Variants in ANKRD44 observed in about 807,000 individuals in gnomAD.
ANKRD44 encodes serine/threonine-protein phosphatase 6 regulatory ankyrin repeat subunit B.
In ANKRD44, 35 loss-of-function variants were observed where a neutral mutation model predicts 116.0. That is an observed-to-expected ratio of 0.30 (90% CI 0.23 to 0.40). The LOEUF is 0.40. Ranked by LOEUF, ANKRD44 falls within the 10% of genes least tolerant of loss-of-function variation. ANKRD44 has a pLI of 1.00. For missense variants in ANKRD44, 1,014 were observed against 1,242.6 expected, an observed-to-expected ratio of 0.82 and a Z score of 2.77; for synonymous variants, 435 against 461.8, an observed-to-expected ratio of 0.94 and a Z score of 0.74.
At position 197,083,272 on chromosome 2, in the gene ANKRD44, T is replaced by C. The variant is rs142938517; in HGVS notation, c.1457+97A>G. Reference sequence around the variant, plus strand: ...TCTAACTCTTTTGGGTTAGTCTAACTCTTTTTCCATGAGGCGGTATGAAGA... The same window carrying C: ...TCTAACTCTTTTGGGTTAGTCTAACCCTTTTTCCATGAGGCGGTATGAAGA... On this transcript the variant is annotated intron_variant, in intron 14 of 27. Coordinates refer to ENST00000282272, the MANE Select transcript of ANKRD44 (RefSeq NM_001195144.2). 8,669 of 1,458,380 alleles carry C rather than the reference T, an allele frequency of 5.9e-3. 31 individuals are homozygous for C. The highest frequency in any genetic ancestry group is 6.6e-3 in the Non-Finnish European group (7,201 of 1,092,184). 90.3% of individuals were successfully genotyped at this position (1,458,380 alleles called of 1,614,324 possible). A position where few individuals can be genotyped will look rare whatever the true frequency, so the allele number is the denominator to read the frequency against.
intron 10 of ANKRD44, among the ~76,000 whole-genome samples, chr2:197,098,963 T>C (rs1409014986): frequency 6.6e-6 from 1 of 152,084 alleles, no homozygotes; most frequent in East Asian, 1.9e-4. Context: ...TCACATTCTC[T>C]ACTCTGTCAG....
intron 16 of ANKRD44, among the ~76,000 whole-genome samples, chr2:197,043,334 T>C (rs536578755): frequency 1.3e-5 from 2 of 152,238 alleles, no homozygotes; most frequent in African/African-American, 4.8e-5. Context: ...TGTTCCCCAT[T>C]ATCTATTAGA....
chr2:197,110,959 T>A (rs2078551200), intron 8 of ANKRD44, 115 bp from the exon 9 acceptor site: 1 of 742,278 alleles, frequency 1.3e-6, no homozygotes, highest in African/African-American at 1.7e-5. Flanking sequence ...CATTTATTTA[T>A]TTATTTTTTA....
intron 16 of ANKRD44, among the ~76,000 whole-genome samples, chr2:197,075,015 A>G (rs2077636227): frequency 6.6e-6 from 1 of 152,256 alleles, no homozygotes; most frequent in Non-Finnish European, 1.5e-5. Flanking sequence ...TTATTCTCAC[A>G]GTTGAAGTTC....
At chr2:197,011,704 C>T (rs2076304985) in intron 18 of ANKRD44, among the ~76,000 whole-genome samples, 1 of 152,122 alleles carries the variant, frequency 6.6e-6, no homozygotes, top group African/African-American at 2.4e-5. Flanking sequence ...AACTCCTGAC[C>T]TCAGGTGATC....
At chr2:197,120,402 C>A (rs532892769) in intron 8 of ANKRD44, among the ~76,000 whole-genome samples, 10 of 152,268 alleles carry the variant, frequency 6.6e-5, no homozygotes, top group Non-Finnish European at 1.0e-4. Context: ...GTAATCCCAG[C>A]ACTTTGGGAG....
At chr2:197,179,639 G>A (rs2080455555) in intron 2 of ANKRD44, among the ~76,000 whole-genome samples, 1 of 152,172 alleles carries the variant, frequency 6.6e-6, no homozygotes, top group Non-Finnish European at 1.5e-5. Context: ...TCCATCTCTA[G>A]TATGTGAGGG....
At chr2:197,045,653 A>G (rs1202058105) in intron 16 of ANKRD44, among the ~76,000 whole-genome samples, 1 of 152,192 alleles carries the variant, frequency 6.6e-6, no homozygotes, top group Non-Finnish European at 1.5e-5. Context: ...ACTCTTCTAA[A>G]CACCACTGGT....
intron 2 of ANKRD44, among the ~76,000 whole-genome samples, chr2:197,155,782 G>A (rs1265619053): frequency 6.6e-6 from 1 of 152,162 alleles, no homozygotes; most frequent in Non-Finnish European, 1.5e-5. Context: ...TATGACATCA[G>A]AGCAAAACCC....
chr2:197,099,605 C>T (rs778357025), intron 10 of ANKRD44: 8 of 1,270,302 alleles, frequency 6.3e-6, no homozygotes, highest in Non-Finnish European at 7.9e-6. Flanking sequence ...AAATAGACCT[C>T]ATTTGGATGA....
intron 1 of ANKRD44, among the ~76,000 whole-genome samples, chr2:197,196,872 C>A (rs1316530343): frequency 6.6e-6 from 1 of 152,170 alleles, no homozygotes; most frequent in Non-Finnish European, 1.5e-5. Context: ...CTTGGAAAGA[C>A]AGCAAGCAGT....
At position 197,278,000 on chromosome 2, in the gene ANKRD44, C is replaced by T. The variant is rs189049960; in HGVS notation, c.27+32578G>A. 2.0e-4 allele frequency among the ~76,000 whole-genome samples: 30 copies of T among 152,262 alleles called. No homozygotes were observed. The South Asian group carries it at 2.3e-3, about 12-fold the overall frequency. ...AGAATTAGGAGCTCTCACACTGCTT[C>T]GACAGTTCTAGTAACAGCGTAAAGC... On this transcript the variant is annotated intron_variant, in intron 1 of 27. Transcript: ENST00000282272.
intron 2 of ANKRD44, among the ~76,000 whole-genome samples, chr2:197,166,302 A>G (rs2080099877): frequency 6.6e-6 from 1 of 152,216 alleles, no homozygotes; most frequent in African/African-American, 2.4e-5. Flanking sequence ...TTTGGACCCA[A>G]TAAACTGCAA....
At chr2:197,039,176 T>C (rs1476198934) in intron 16 of ANKRD44, among the ~76,000 whole-genome samples, 1 of 152,198 alleles carries the variant, frequency 6.6e-6, no homozygotes, top group African/African-American at 2.4e-5. Flanking sequence ...CATTCTTTTG[T>C]GTGGGTAGTG....
At chr2:197,238,815 CT>C (rs2082029412) in intron 1 of ANKRD44, among the ~76,000 whole-genome samples, 1 of 152,122 alleles carries the variant, frequency 6.6e-6, no homozygotes, top group Non-Finnish European at 1.5e-5. Flanking sequence ...AGCAATTCTC[CT>C]GCCTCAGCCT....
At chr2:197,229,399 T>A (rs2081801789) in intron 1 of ANKRD44, among the ~76,000 whole-genome samples, 1 of 152,226 alleles carries the variant, frequency 6.6e-6, no homozygotes, top group Admixed American at 6.5e-5. Flanking sequence ...TATACTTTCA[T>A]ACATGTTCCT....
intron 16 of ANKRD44, among the ~76,000 whole-genome samples, chr2:197,076,482 C>T (rs749696429): frequency 1.6e-4 from 24 of 152,114 alleles, no homozygotes; most frequent in Non-Finnish European, 2.5e-4. Flanking sequence ...CCCACTTCTT[C>T]ATTTAATACT....
At position 197,310,679 on chromosome 2, in the gene ANKRD44, A is replaced by G; in HGVS notation, c.-75T>C. On this transcript the variant is annotated 5_prime_UTR_variant, in exon 1 of 28. Transcript: ENST00000282272. ...GTCACGCCGGGAGCCGGGGAAGCGGAAGGGATTGCCAGGAGAAGGGAAAAA... is the reference window on the plus strand; with the variant it reads ...GTCACGCCGGGAGCCGGGGAAGCGGGAGGGATTGCCAGGAGAAGGGAAAAA... 1 of 1,281,802 alleles carries G rather than the reference A, an allele frequency of 7.8e-7. No individual in the cohort carries two copies. The highest frequency in any genetic ancestry group is 1.0e-6 in the Non-Finnish European group (1 of 989,740). The allele number at this position is 1,281,802 out of a possible 1,614,324, so 79.4% of individuals were successfully genotyped here.
At chr2:197,196,307 G>C (rs538162516) in intron 1 of ANKRD44, among the ~76,000 whole-genome samples, 1 of 152,158 alleles carries the variant, frequency 6.6e-6, no homozygotes, top group Admixed American at 6.5e-5. Context: ...GGTATATTCA[G>C]TATAATTTAT....
Sources: gnomAD v4.1 joint callset for allele counts (sites outside exome capture counted in the v4.1 genomes callset) on GRCh38, gnomAD v4.1.1 for gene constraint, MANE v1.5 for transcripts, NCBI Gene and HGNC (gene_info 2026-07-23, HGNC 2026-07-21) for gene names.